The following POU6F2 variants were observed in gnomAD, a reference collection of about 807,000 sequenced individuals.
POU6F2 encodes POU domain, class 6, transcription factor 2.
Under a neutral mutation model 71.3 loss-of-function variants are expected in POU6F2, and 31 were observed. The observed-to-expected ratio is 0.43, with a 90% CI of 0.33 to 0.59. POU6F2 has a LOEUF of 0.59. POU6F2 is among the 20% of genes least tolerant of loss of function. The probability of loss-of-function intolerance (pLI) is 0.04; values close to 1 mark genes in which losing one functional copy is unlikely to be tolerated. For missense variants in POU6F2, 783 were observed against 856.8 expected (o/e 0.91, Z 1.07); for synonymous variants, 347 against 355.7 (o/e 0.98, Z 0.27).
intron 4 of POU6F2, among the ~76,000 whole-genome samples, chr7:39,246,579 A>T (rs768086349): frequency 1.3e-5 from 2 of 152,224 alleles, no homozygotes; most frequent in Non-Finnish European, 1.5e-5. Flanking sequence ...TGACTCCTGT[A>T]TGTAAAATTG....
At chr7:39,239,142 A>C (rs2128751106) in intron 4 of POU6F2, among the ~76,000 whole-genome samples, 1 of 152,240 alleles carries the variant, frequency 6.6e-6, no homozygotes, top group Non-Finnish European at 1.5e-5. Flanking sequence ...GAAGTGGAAT[A>C]ATATGAAAGA....
chr7:39,464,172 T>TC lies in POU6F2; in HGVS notation c.1659-3dup, dbSNP rs559933518. ...GTGTAAGACTGTTCTTTCTCAATTT[T>TC]CCCCCCCAGACACACCATCCTGAGA... is the stretch of plus-strand genomic sequence containing the variant. On this transcript the variant is annotated splice_polypyrimidine_tract_variant and intron_variant, in intron 9 of 9. Coordinates refer to ENST00000518318, the MANE Select transcript of POU6F2 (RefSeq NM_001370959.1). The surrounding 1 kb of genome is among the most constrained non-coding windows in gnomAD (Gnocchi z 4.1). 71 of 1,609,878 alleles carry TC rather than the reference T, an allele frequency of 4.4e-5. No homozygotes were observed. Among genetic ancestry groups the TC allele is most frequent in the African/African-American group, 6.7e-5 (5 of 74,498 alleles).
chr7:39,132,962 T>C (rs1279121745), intron 2 of POU6F2, among the ~76,000 whole-genome samples: 1 of 152,162 alleles, frequency 6.6e-6, no homozygotes, highest in Non-Finnish European at 1.5e-5. Context: ...ATTAAGAACA[T>C]CTCCTTGATG....
At chr7:39,334,975 C>T (rs1785736785) in intron 4 of POU6F2, among the ~76,000 whole-genome samples, 1 of 152,140 alleles carries the variant, frequency 6.6e-6, no homozygotes, top group Admixed American at 6.6e-5. Context: ...TCTTAGATGC[C>T]ACCCCGGAGA....
intron 1 of POU6F2, among the ~76,000 whole-genome samples, chr7:39,001,691 ATG>A (rs1396547690): frequency 3.3e-4 from 48 of 146,330 alleles, no homozygotes; most frequent in Admixed American, 1.0e-3. Context: ...TGATGGTGAT[ATG>A]ATGTTGATGG....
At chr7:39,279,459 A>G (rs1228744597) in intron 4 of POU6F2, among the ~76,000 whole-genome samples, 1 of 152,210 alleles carries the variant, frequency 6.6e-6, no homozygotes, top group Non-Finnish European at 1.5e-5. Flanking sequence ...GAAATAATAC[A>G]TTGTTTTCCT....
chr7:39,386,542 G>T (rs1245387849), intron 5 of POU6F2, among the ~76,000 whole-genome samples: 1 of 152,192 alleles, frequency 6.6e-6, no homozygotes, highest in African/African-American at 2.4e-5. Flanking sequence ...AACCAGCAAA[G>T]ATTTTTAACA....
At chr7:39,100,928 A>C (rs1295818685) in intron 2 of POU6F2, among the ~76,000 whole-genome samples, 2 of 152,098 alleles carry the variant, frequency 1.3e-5, no homozygotes, top group African/African-American at 4.8e-5. Flanking sequence ...ATGAAAATCC[A>C]CATCTTCATT....
At chr7:39,431,558 C>T (rs1350364788) in intron 6 of POU6F2, among the ~76,000 whole-genome samples, 1 of 152,182 alleles carries the variant, frequency 6.6e-6, no homozygotes, top group Non-Finnish European at 1.5e-5. Flanking sequence ...AAATTGCAAA[C>T]AAGACACACA....
At chr7:39,374,587 A>G (rs770810749) in intron 5 of POU6F2, among the ~76,000 whole-genome samples, 5 of 152,240 alleles carry the variant, frequency 3.3e-5, no homozygotes, top group African/African-American at 9.6e-5. Flanking sequence ...GTCAGCATAG[A>G]GATCCAGAGA....
chr7:39,286,583 T>G (rs140143298), intron 4 of POU6F2, among the ~76,000 whole-genome samples: 146 of 152,292 alleles, frequency 9.6e-4, no homozygotes, highest in South Asian at 2.3e-3. Context: ...ATGGGGAGTT[T>G]ATGTTGGACA....
At chr7:39,169,563 T>C (rs1793175685) in intron 2 of POU6F2, among the ~76,000 whole-genome samples, 1 of 152,214 alleles carries the variant, frequency 6.6e-6, no homozygotes, top group Non-Finnish European at 1.5e-5. Context: ...TGTAAAAATG[T>C]AATTTCTGCA....
intron 6 of POU6F2, among the ~76,000 whole-genome samples, chr7:39,432,653 G>T (rs542109114): frequency 6.6e-6 from 1 of 151,974 alleles, no homozygotes; most frequent in Admixed American, 6.5e-5. Flanking sequence ...AATGTCAAAG[G>T]ATCCCCTAGT....
intron 1 of POU6F2, among the ~76,000 whole-genome samples, chr7:39,046,311 A>G (rs1280366809): frequency 6.6e-6 from 1 of 151,752 alleles, no homozygotes; most frequent in Non-Finnish European, 1.5e-5. Context: ...TGTTTGTCTT[A>G]TTGAGCTGAA....
chr7:39,205,500 AG>A (rs1485027833), intron 3 of POU6F2, among the ~76,000 whole-genome samples: 4 of 152,202 alleles, frequency 2.6e-5, no homozygotes, highest in Non-Finnish European at 5.9e-5. Context: ...AAAATGCTGC[AG>A]GCCAAAACCC....
chr7:39,262,184 A>C (rs1784148914), intron 4 of POU6F2, among the ~76,000 whole-genome samples: 1 of 152,230 alleles, frequency 6.6e-6, no homozygotes, highest in Admixed American at 6.5e-5. Flanking sequence ...GTGGTTCATA[A>C]GGTTCCTGTT....
Position 39,460,752 on chromosome 7 carries a change from G to T in POU6F2, c.1658+37G>T, listed in dbSNP as rs772297183. On this transcript the variant is annotated intron_variant, in intron 9 of 9. Coordinates refer to ENST00000518318, the MANE Select transcript of POU6F2 (RefSeq NM_001370959.1). This position sits in a 1 kb window ranked among gnomAD's most constrained non-coding sequence, Gnocchi z 4.4. ...CTGCATGCTGTCACCTCTTCTAGCC[G>T]CCCTGGGCCTCATTTGTCCTCGCGG... 6 of 1,522,350 alleles carry T rather than the reference G, an allele frequency of 3.9e-6. No individual in the cohort carries two copies. In the African/African-American group the frequency reaches 6.9e-5, roughly 18 times the overall value. The allele number at this position is 1,522,350 out of a possible 1,614,324, so 94.3% of individuals were successfully genotyped here. A position where few individuals can be genotyped will look rare whatever the true frequency, so the allele number is the denominator to read the frequency against.
chr7:39,421,547 C>T (rs1343325389), intron 6 of POU6F2, among the ~76,000 whole-genome samples: 1 of 152,112 alleles, frequency 6.6e-6, no homozygotes, highest in Non-Finnish European at 1.5e-5. Context: ...TATGTGCTCA[C>T]TGAGTATAAA....
intron 1 of POU6F2, among the ~76,000 whole-genome samples, chr7:39,057,284 T>G (rs1036933110): frequency 1.6e-4 from 25 of 152,314 alleles, no homozygotes; most frequent in African/African-American, 6.0e-4. Context: ...ACCACCATTC[T>G]AAACCAAATA....
Sources: allele counts gnomAD v4.1 joint callset (sites outside exome capture counted in the v4.1 genomes callset), GRCh38; gene constraint gnomAD v4.1.1; non-coding constraint Gnocchi (gnomAD v3.1); transcripts MANE v1.5; gene names NCBI Gene and HGNC (gene_info 2026-07-23, HGNC 2026-07-21).